The following NXPH1 variants were observed in gnomAD, a reference collection of about 807,000 sequenced individuals.
The protein encoded by NXPH1 is neurexophilin 1.
NXPH1 carries 5 observed loss-of-function variants against 23.7 expected under a neutral mutation model. The ratio of observed to expected loss-of-function variants is 0.21; its 90% confidence interval spans 0.11 to 0.44. NXPH1 has a LOEUF of 0.44. Ranked by LOEUF, NXPH1 falls within the 20% of genes least tolerant of loss-of-function variation. The pLI is 0.99. For missense variants in NXPH1, 324 were observed against 321.6 expected, an observed-to-expected ratio of 1.01 and a Z score of -0.06; for synonymous variants, 144 against 122.2, an observed-to-expected ratio of 1.18 and a Z score of -1.18.
intron 2 of NXPH1, among the ~76,000 whole-genome samples, chr7:8,643,677 G>A (rs10276010): frequency 2.5e-3 from 383 of 152,100 alleles, no homozygotes; most frequent in African/African-American, 8.8e-3. Flanking sequence ...CTTATTGTAA[G>A]CTTACTAATT....
Position 8,435,547 on chromosome 7 carries a change from T to G in NXPH1, c.-110-57T>G. The G allele has an allele frequency of 1.6e-6, 1 of 609,400 alleles. No individual in the cohort carries two copies. Among genetic ancestry groups the G allele is most frequent in the Admixed American group, 2.7e-5 (1 of 37,320 alleles). The allele number at this position is 609,400 out of a possible 1,614,324, so 37.7% of individuals were successfully genotyped here. ...CTACGACCCCCTTTCCCCGCTTGAT[T>G]GTCAAGCCTAACCTTGCCCGCGTAG... On this transcript the variant is annotated intron_variant, in intron 1 of 2. Coordinates refer to ENST00000405863, the MANE Select transcript of NXPH1 (RefSeq NM_152745.3). The surrounding 1 kb of genome is among the most constrained non-coding windows in gnomAD (Gnocchi z 5.9).
At chr7:8,719,322 T>A (rs1779927967) in intron 2 of NXPH1, among the ~76,000 whole-genome samples, 2 of 152,172 alleles carry the variant, frequency 1.3e-5, no homozygotes, top group African/African-American at 4.8e-5. Flanking sequence ...CAAGAGCTGA[T>A]GATGGCTCCA....
chr7:8,528,797 T>G (rs1817905177), intron 2 of NXPH1, among the ~76,000 whole-genome samples: 1 of 152,234 alleles, frequency 6.6e-6, no homozygotes, highest in Non-Finnish European at 1.5e-5. Context: ...AGCAGAAGCT[T>G]ATGATACAGA....
chr7:8,437,654 A>C (rs996841724), intron 2 of NXPH1, among the ~76,000 whole-genome samples: 11 of 152,264 alleles, frequency 7.2e-5, no homozygotes, highest in African/African-American at 2.7e-4. Context: ...GTTTGTTGGC[A>C]GTTAAACCGT....
In NXPH1 at chr7:8,701,082, C is replaced by T. The variant is rs117917338; in HGVS notation, c.55-49926C>T. ...CCACTGAATCACCTTCCAACCTTTC[C>T]TTTTATTCATATTCATATTCTGTTA... On this transcript the variant is annotated intron_variant, in intron 2 of 2. Coordinates refer to ENST00000405863, the MANE Select transcript of NXPH1 (RefSeq NM_152745.3). 7.2e-5 allele frequency among the ~76,000 whole-genome samples: 11 copies of T among 152,102 alleles called. No homozygotes were observed. In the East Asian group the frequency reaches 2.1e-3, roughly 29 times the overall value.
At chr7:8,477,471 C>T (rs1191057459) in intron 2 of NXPH1, among the ~76,000 whole-genome samples, 1 of 152,040 alleles carries the variant, frequency 6.6e-6, no homozygotes, top group African/African-American at 2.4e-5. Context: ...GGGAAAATGG[C>T]AATAAATTTT....
At chr7:8,646,494 A>G (rs1820401991) in intron 2 of NXPH1, among the ~76,000 whole-genome samples, 1 of 152,140 alleles carries the variant, frequency 6.6e-6, no homozygotes, top group Non-Finnish European at 1.5e-5. Flanking sequence ...AACCTCCAGT[A>G]AACTTTAGAA....
intron 2 of NXPH1, among the ~76,000 whole-genome samples, chr7:8,680,291 T>C (rs1821030972): frequency 6.6e-6 from 1 of 152,342 alleles, no homozygotes; most frequent in East Asian, 1.9e-4. Context: ...GGGAGAGGGA[T>C]AGTTTGTTTC....
In NXPH1 at chr7:8,497,579, T is replaced by C. The variant is rs530682411; in HGVS notation, c.54+61812T>C. Among the ~76,000 whole-genome samples the C allele has an allele frequency of 5.4e-3, 823 of 152,226 alleles. 6 individuals are homozygous for C. Among genetic ancestry groups the C allele is most frequent in the African/African-American group, 0.018 (759 of 41,550 alleles). ...CTAACTGGTGTGAGATGGTATCTCA[T>C]TGTGGTTTTGATTTGCATTTCTCTG... On this transcript the variant is annotated intron_variant, in intron 2 of 2. Transcript: ENST00000405863.
chr7:8,492,992 A>G (rs1817276057), intron 2 of NXPH1, among the ~76,000 whole-genome samples: 1 of 152,022 alleles, frequency 6.6e-6, no homozygotes, highest in Non-Finnish European at 1.5e-5. Flanking sequence ...GTCAATGAGC[A>G]CAGGAAGTTC....
At chr7:8,728,926 C>T (rs1052926181) in intron 2 of NXPH1, among the ~76,000 whole-genome samples, 1 of 149,706 alleles carries the variant, frequency 6.7e-6, no homozygotes. Context: ...ACCAGTTCCT[C>T]CTTGTACCTC....
Position 8,435,633 on chromosome 7 carries a change from G to C in NXPH1, c.-81G>C, listed in dbSNP as rs1816179718. On this transcript the variant is annotated 5_prime_UTR_variant, in exon 2 of 3. Transcript: ENST00000405863. The surrounding 1 kb of genome is among the most constrained non-coding windows in gnomAD (Gnocchi z 5.9). ...CTGAGAGCGCTCCTTGCTCTGTAAA[G>C]TGGATGTCAGGTGGATCTATGTTTC... 5.4e-6 allele frequency: 7 copies of C among 1,300,506 alleles called. No homozygotes were observed. The highest frequency in any genetic ancestry group is 2.3e-5 in the East Asian group (1 of 43,488). 80.6% of individuals were successfully genotyped at this position (1,300,506 alleles called of 1,614,324 possible).
chr7:8,491,689 C>T (rs1471878134), intron 2 of NXPH1, among the ~76,000 whole-genome samples: 2 of 152,030 alleles, frequency 1.3e-5, no homozygotes, highest in African/African-American at 2.4e-5. Context: ...CTGATAGGTA[C>T]CACCACGGAC....
At chr7:8,562,726 A>G (rs576402132) in intron 2 of NXPH1, among the ~76,000 whole-genome samples, 1 of 151,852 alleles carries the variant, frequency 6.6e-6, no homozygotes, top group African/African-American at 2.4e-5. Flanking sequence ...ATAATGTTTA[A>G]TATAAATGGG....
chr7:8,442,816 G>C lies in NXPH1; in HGVS notation c.54+7049G>C, dbSNP rs370013690. On this transcript the variant is annotated intron_variant, in intron 2 of 2. Transcript: ENST00000405863. The surrounding 1 kb of genome is among the most constrained non-coding windows in gnomAD (Gnocchi z 4.6). ...CCGGAGCCCAAGTCCCCATGCAAAA[G>C]CGCTGTTTCTGGGTAATTTTCGTCG... is the stretch of plus-strand genomic sequence containing the variant. Among the ~76,000 whole-genome samples the C allele has an allele frequency of 6.6e-6, 1 of 152,252 alleles. No homozygotes were observed. The highest frequency in any genetic ancestry group is 1.5e-5 in the Non-Finnish European group (1 of 68,044).
At chr7:8,551,529 C>T (rs1449532933) in intron 2 of NXPH1, among the ~76,000 whole-genome samples, 2 of 151,318 alleles carry the variant, frequency 1.3e-5, no homozygotes, top group East Asian at 2.0e-4. Context: ...TTATCCTTTA[C>T]GATTTTGGAA....
chr7:8,674,702 T>C (rs1359022061), intron 2 of NXPH1, among the ~76,000 whole-genome samples: 2 of 152,148 alleles, frequency 1.3e-5, no homozygotes, highest in East Asian at 1.9e-4. Flanking sequence ...AGGGGTTCAA[T>C]TGTAGCTGCA....
intron 2 of NXPH1, among the ~76,000 whole-genome samples, chr7:8,650,090 C>T (rs780877537): frequency 1.3e-5 from 2 of 152,080 alleles, no homozygotes; most frequent in Non-Finnish European, 2.9e-5. Context: ...AAGAAGGATG[C>T]AATGAACAAT....
chr7:8,537,991 G>T (rs1257020168), intron 2 of NXPH1, among the ~76,000 whole-genome samples: 1 of 151,804 alleles, frequency 6.6e-6, no homozygotes, highest in African/African-American at 2.4e-5. Context: ...ATAAAGTAAG[G>T]CTACCAATGA....
Sources: gnomAD v4.1 joint callset for allele counts (sites outside exome capture counted in the v4.1 genomes callset) on GRCh38, gnomAD v4.1.1 for gene constraint, Gnocchi (gnomAD v3.1) non-coding constraint, MANE v1.5 for transcripts, NCBI Gene and HGNC (gene_info 2026-07-23, HGNC 2026-07-21) for gene names.